ROBO2: variants seen among roughly 807,000 people sequenced by gnomAD.
ROBO2 encodes the protein roundabout guidance receptor 2.
Under a neutral mutation model 160.8 loss-of-function variants are expected in ROBO2, and 53 were observed. The observed-to-expected ratio is 0.33, with a 90% CI of 0.26 to 0.41. The LOEUF is 0.41. Ranked by LOEUF, ROBO2 falls within the 10% of genes least tolerant of loss-of-function variation. The pLI, the probability that ROBO2 is intolerant of heterozygous loss-of-function variation, is 1.00. For synonymous variants in ROBO2, 664 were observed against 611.7 expected, an observed-to-expected ratio of 1.09 and a Z score of -1.26; for missense variants, 1,577 against 1,722.4, an observed-to-expected ratio of 0.92 and a Z score of 1.49.
At chr3:76,502,442 G>A (rs188217668) in intron 2 of ROBO2, among the ~76,000 whole-genome samples, 293 of 152,312 alleles carry the variant, frequency 1.9e-3, no homozygotes, top group Admixed American at 4.7e-3. Context: ...TAAGTTGGTT[G>A]ATGTAAACTT....
chr3:77,098,833 GC>G (rs1162738139), intron 2 of ROBO2, among the ~76,000 whole-genome samples: 1 of 151,648 alleles, frequency 6.6e-6, no homozygotes, highest in Non-Finnish European at 1.5e-5. Context: ...TCCAGCCTGG[GC>G]GACAGAGCGA....
intron 2 of ROBO2, among the ~76,000 whole-genome samples, chr3:76,238,560 A>ACAT (rs1705096466): frequency 6.6e-6 from 1 of 151,456 alleles, no homozygotes; most frequent in African/African-American, 2.4e-5. Context: ...CTCCCCCTAG[A>ACAT]CATGAGGGGA....
intron 2 of ROBO2, among the ~76,000 whole-genome samples, chr3:76,676,225 A>G (rs2092403754): frequency 6.6e-6 from 1 of 151,818 alleles, no homozygotes; most frequent in Non-Finnish European, 1.5e-5. Flanking sequence ...TAGATTATGG[A>G]GGCGATTTCC....
intron 2 of ROBO2, among the ~76,000 whole-genome samples, chr3:77,341,807 A>G (rs1304384353): frequency 6.6e-6 from 1 of 152,078 alleles, no homozygotes; most frequent in Admixed American, 6.6e-5. Context: ...GCCATGTGGA[A>G]CATGAGTGGT....
intron 7 of ROBO2, among the ~76,000 whole-genome samples, chr3:77,549,867 T>C (rs1559593060): frequency 6.6e-6 from 1 of 152,018 alleles, no homozygotes; most frequent in Non-Finnish European, 1.5e-5. Context: ...AATTAATTAC[T>C]ATATGGAGAA....
chr3:76,566,465 T>C (rs892701723), intron 2 of ROBO2, among the ~76,000 whole-genome samples: 2 of 152,152 alleles, frequency 1.3e-5, no homozygotes, highest in African/African-American at 4.8e-5. Context: ...CTACTTTCTC[T>C]TTTCTATTGC....
chr3:76,325,664 A>G (rs1246226001), intron 2 of ROBO2, among the ~76,000 whole-genome samples: 1 of 152,118 alleles, frequency 6.6e-6, no homozygotes, highest in South Asian at 2.1e-4. Context: ...TTTTTTATTA[A>G]TGCTACTCGA....
At chr3:76,238,147 A>G (rs543735516) in intron 2 of ROBO2, among the ~76,000 whole-genome samples, 1 of 152,322 alleles carries the variant, frequency 6.6e-6, no homozygotes, top group South Asian at 2.1e-4. Context: ...TTAAAGCCAA[A>G]GAAAAGTTGA....
At chr3:76,423,332 A>C (rs2076073466) in intron 2 of ROBO2, among the ~76,000 whole-genome samples, 1 of 152,186 alleles carries the variant, frequency 6.6e-6, no homozygotes. Context: ...AAACATAAAC[A>C]GAACATTTAC....
intron 2 of ROBO2, among the ~76,000 whole-genome samples, chr3:76,253,518 C>T (rs1269157207): frequency 6.6e-6 from 1 of 151,116 alleles, no homozygotes; most frequent in Non-Finnish European, 1.5e-5. Flanking sequence ...AAGCAATCCA[C>T]CTGCTCGGTC....
intron 2 of ROBO2, among the ~76,000 whole-genome samples, chr3:77,214,459 G>A (rs2084644273): frequency 6.6e-6 from 1 of 151,736 alleles, no homozygotes; most frequent in Non-Finnish European, 1.5e-5. Context: ...CTTTTATTTT[G>A]AGCCTATTTG....
At chr3:76,597,764 A>T (rs2086837321) in intron 2 of ROBO2, among the ~76,000 whole-genome samples, 1 of 151,738 alleles carries the variant, frequency 6.6e-6, no homozygotes, top group Non-Finnish European at 1.5e-5. Context: ...TTCATCATTT[A>T]GCTCCCACTT....
chr3:76,576,967 A>C (rs1055366467), intron 2 of ROBO2, among the ~76,000 whole-genome samples: 1 of 151,970 alleles, frequency 6.6e-6, no homozygotes. Flanking sequence ...AAAGGAGGAA[A>C]GGAGAGGAAT....
intron 2 of ROBO2, among the ~76,000 whole-genome samples, chr3:76,467,961 G>T (rs1023814222): frequency 6.6e-6 from 1 of 152,050 alleles, no homozygotes; most frequent in Non-Finnish European, 1.5e-5. Context: ...TTCTAAATAT[G>T]AGCTTAGCTC....
intron 2 of ROBO2, among the ~76,000 whole-genome samples, chr3:77,104,470 G>T (rs1271682526): frequency 6.6e-6 from 1 of 151,838 alleles, no homozygotes; most frequent in Non-Finnish European, 1.5e-5. Flanking sequence ...TCCATTCATT[G>T]TATGATAGAC....
intron 2 of ROBO2, among the ~76,000 whole-genome samples, chr3:76,529,882 T>A (rs2082134571): frequency 6.6e-6 from 1 of 152,188 alleles, no homozygotes; most frequent in Non-Finnish European, 1.5e-5. Flanking sequence ...CTTATTTCCA[T>A]AATTTTCAGA....
chr3:77,539,061 G>A (rs1226850635), intron 6 of ROBO2, among the ~76,000 whole-genome samples: 1 of 152,072 alleles, frequency 6.6e-6, no homozygotes, highest in Non-Finnish European at 1.5e-5. Flanking sequence ...GGGATTACAG[G>A]CGCACCCTGC....
chr3:75,973,145 T>C (rs1033596140), intron 2 of ROBO2, among the ~76,000 whole-genome samples: 27 of 151,816 alleles, frequency 1.8e-4, no homozygotes, highest in African/African-American at 6.5e-4. Context: ...ATAAAACTAT[T>C]ATCAGAATGT....
chr3:76,784,170 T>C (rs1226114547), intron 2 of ROBO2, among the ~76,000 whole-genome samples: 1 of 151,222 alleles, frequency 6.6e-6, no homozygotes, highest in Admixed American at 6.6e-5. Context: ...ATTACCTTGA[T>C]GATTCATGTT....
Sources: allele counts gnomAD v4.1 joint callset (sites outside exome capture counted in the v4.1 genomes callset), GRCh38; gene constraint gnomAD v4.1.1; transcripts MANE v1.5; gene names NCBI Gene and HGNC (gene_info 2026-07-23, HGNC 2026-07-21).